Variants in COL12A1 observed in about 807,000 individuals in gnomAD.
COL12A1 encodes collagen type XII alpha 1 chain, also known as collagen alpha-1(XII) chain.
Under a neutral mutation model 349.7 loss-of-function variants are expected in COL12A1, and 114 were observed. That is an observed-to-expected ratio of 0.33 (90% CI 0.28 to 0.38). The LOEUF is 0.38. Ranked by LOEUF, COL12A1 falls within the 10% of genes least tolerant of loss-of-function variation. The pLI, the probability that COL12A1 is intolerant of heterozygous loss-of-function variation, is 1.00. For missense variants in COL12A1, 3,284 were observed against 3,756.9 expected (o/e 0.87, Z 3.29); for synonymous variants, 1,369 against 1,329.0 (o/e 1.03, Z -0.66).
chr6:75,124,193 C>A, intron 41 of COL12A1, 62 bp downstream of exon 41: 1 of 1,594,006 alleles, frequency 6.3e-7, no homozygotes, highest in Non-Finnish European at 8.6e-7. Flanking sequence ...ATCTTCTTTA[C>A]TGAAATTTAA....
In COL12A1 at chr6:75,085,459, T is replaced by C. The variant is rs1056086993; in HGVS notation, c.*1088A>G. On this transcript the variant is annotated 3_prime_UTR_variant, in exon 66 of 66. Transcript: ENST00000322507. ...AAATCATCACCCGCGGTGATGGCAC[T>C]CCAGTCTTAATCTCATAACTATAAA... is the stretch of plus-strand genomic sequence containing the variant. 2 of 418,576 alleles carry C rather than the reference T, an allele frequency of 4.8e-6. No individual in the cohort carries two copies. The highest frequency in any genetic ancestry group is 1.8e-5 in the South Asian group (1 of 56,968). The allele number at this position is 418,576 out of a possible 1,614,324, so 25.9% of individuals were successfully genotyped here.
rs779373958 is a variant in COL12A1, at chr6:75,188,506, T to C, written c.853A>G (p.Lys285Glu). The change falls in exon 8 of 66, where the codon AAA becomes GAA. Residue 285 changes from lysine to glutamate, a missense_variant. This residue lies in a region of COL12A1 where 2,601 missense variants were observed against 2,824.8 expected (regional missense o/e 0.92). Transcript: ENST00000322507. ...AGTGAAGGTGTGGAGGCAATTTGTT[T>C]GAGTTCTTTTGCATCTGCAGCTTTA... is the stretch of plus-strand genomic sequence containing the variant. ...GIKAADAKEL[K>E]QIASTPSLNH... The C allele has an allele frequency of 6.2e-7, 1 of 1,613,248 alleles. No homozygotes were observed. Among genetic ancestry groups the C allele is most frequent in the East Asian group, 2.2e-5 (1 of 44,858 alleles).
intron 2 of COL12A1, among the ~76,000 whole-genome samples, chr6:75,201,914 A>G (rs1770548253): frequency 6.6e-6 from 1 of 152,192 alleles, no homozygotes; most frequent in Admixed American, 6.5e-5. Context: ...CTCCGCGGGA[A>G]GGTCCGACGC....
Position 75,143,369 on chromosome 6 carries a change from C to T in COL12A1, c.4710G>A (p.Gln1570=), listed in dbSNP as rs763316824. The T allele has an allele frequency of 6.2e-7, 1 of 1,613,660 alleles. No homozygotes were observed. The highest frequency in any genetic ancestry group is 1.1e-5 in the South Asian group (1 of 90,964). The change falls in exon 26 of 66, where the codon CAG becomes CAA. Residue 1570 remains glutamine, a synonymous_variant. Coordinates refer to ENST00000322507, the MANE Select transcript of COL12A1 (RefSeq NM_004370.6). The part of the protein sequence containing the change: ...REVTLPLPRP[Q]DLKLRDVTHS... ...GAGTCACATCTCTGAGTTTCAGATC[C>T]TGAGGTCTGGGTAAAGGCACTAGAG...
At chr6:75,144,422 C>T (rs192521571) in intron 25 of COL12A1, among the ~76,000 whole-genome samples, 27 of 152,166 alleles carry the variant, frequency 1.8e-4, no homozygotes, top group Admixed American at 1.4e-3. Context: ...TCTTCTCTGC[C>T]CCATCATGCT....
At position 75,189,718 on chromosome 6, in the gene COL12A1, A is replaced by T; in HGVS notation, c.492T>A (p.Ala164=). The change falls in exon 6 of 66, where the codon GCT becomes GCA. Residue 164 remains alanine, a synonymous_variant. Coordinates refer to ENST00000322507, the MANE Select transcript of COL12A1 (RefSeq NM_004370.6). ...CAATGTCAAAAGCAGACACAAGAGCAGCAATGAAGTCTAAAATGTACTTGA... is the reference window on the plus strand; with the variant it reads ...CAATGTCAAAAGCAGACACAAGAGCTGCAATGAAGTCTAAAATGTACTTGA... The part of the protein sequence containing the change: ...NNFKYILDFI[A]ALVSAFDIGE... 1 of 1,613,450 alleles carries T rather than the reference A, an allele frequency of 6.2e-7. No homozygotes were observed. Among genetic ancestry groups the T allele is most frequent in the Non-Finnish European group, 8.5e-7 (1 of 1,179,472 alleles).
intron 32 of COL12A1, 140 bp from the exon 33 acceptor site, chr6:75,134,137 A>G (rs1313463975): frequency 1.3e-5 from 11 of 879,908 alleles, no homozygotes; most frequent in East Asian, 2.7e-5. Flanking sequence ...AATAAACGAC[A>G]CACACTGTGT....
chr6:75,131,110 C>T (rs1766281363), intron 35 of COL12A1, 129 bp from the exon 36 acceptor site: 1 of 1,232,354 alleles, frequency 8.1e-7, no homozygotes, highest in African/African-American at 1.5e-5. Flanking sequence ...AACTGTGCTT[C>T]TCCATAAGAT....
chr6:75,125,938 G>T (rs1019065075), intron 39 of COL12A1, among the ~76,000 whole-genome samples: 1 of 152,086 alleles, frequency 6.6e-6, no homozygotes, highest in Non-Finnish European at 1.5e-5. Context: ...AATTTTCAGA[G>T]GGGATTTGAA....
intron 57 of COL12A1, 146 bp downstream of exon 57, chr6:75,101,853 G>A (rs1768320386): frequency 9.7e-7 from 1 of 1,027,940 alleles, no homozygotes. Flanking sequence ...CCAACTTGAA[G>A]GTTAAGACCA....
Position 75,131,939 on chromosome 6 carries a change from C to T in COL12A1, c.5937+1G>A. 1 of 1,613,070 alleles carries T rather than the reference C, an allele frequency of 6.2e-7. No individual in the cohort carries two copies. Among genetic ancestry groups the T allele is most frequent in the Non-Finnish European group, 8.5e-7 (1 of 1,179,486 alleles). ...GCAGTTTCCATGACAAAATTACTTA[C>T]AGATTCTGAGGGTCTTGTGCCATCC... is the stretch of plus-strand genomic sequence containing the variant. On this transcript the variant is annotated splice_donor_variant, in intron 35 of 65. Coordinates refer to ENST00000322507, the MANE Select transcript of COL12A1 (RefSeq NM_004370.6). LOFTEE classifies it high-confidence loss of function.
At chr6:75,091,860 G>T (rs1444409353) in intron 60 of COL12A1, among the ~76,000 whole-genome samples, 1 of 152,120 alleles carries the variant, frequency 6.6e-6, no homozygotes, top group East Asian at 1.9e-4. Flanking sequence ...TACATATGAA[G>T]ATTGCCCTTG....
At chr6:75,154,680 G>C in intron 16 of COL12A1, 143 bp from the exon 17 acceptor site, 1 of 781,170 alleles carries the variant, frequency 1.3e-6, no homozygotes, top group Non-Finnish European at 1.8e-6. Context: ...TATAAGAGAA[G>C]AAAAATAATT....
intron 11 of COL12A1, 115 bp from the exon 12 acceptor site, chr6:75,178,050 G>A: frequency 2.0e-6 from 2 of 996,062 alleles, no homozygotes; most frequent in East Asian, 2.7e-5. Flanking sequence ...AGAAATCCAT[G>A]AGCAATTTAT....
intron 2 of COL12A1, among the ~76,000 whole-genome samples, chr6:75,201,622 CTTTACTGAAAAAAAA>C (rs1189009434): frequency 6.7e-6 from 1 of 149,320 alleles, no homozygotes; most frequent in African/African-American, 2.5e-5. Context: ...AGGGGTATTT[CTTTACTGAAAAAAAA>C]AAAAGATATC....
intron 2 of COL12A1, among the ~76,000 whole-genome samples, chr6:75,196,787 C>T (rs1211735665): frequency 1.3e-5 from 2 of 152,148 alleles, no homozygotes; most frequent in Non-Finnish European, 2.9e-5. Flanking sequence ...AAAATCAGTA[C>T]ATGGAAAAAC....
intron 13 of COL12A1, 69 bp downstream of exon 13, chr6:75,174,969 A>G: frequency 6.5e-7 from 1 of 1,547,102 alleles, no homozygotes; most frequent in Non-Finnish European, 8.8e-7. Flanking sequence ...GTCTGAAGAC[A>G]TTTTAAGCTT....
rs1355346528 is a variant in COL12A1 at position 75,155,336 on chromosome 6, C to T, written c.3443+326G>A. Among the ~76,000 whole-genome samples, 4 of 152,066 alleles carry T rather than the reference C, an allele frequency of 2.6e-5. No individual in the cohort carries two copies. In the East Asian group the frequency reaches 5.8e-4, roughly 22 times the overall value. ...CCATGCTTCCACATGGCTACAATTT[C>T]GGTGACATTGTGTAATAAGAACATT... On this transcript the variant is annotated intron_variant, in intron 16 of 65. Coordinates refer to ENST00000322507, the MANE Select transcript of COL12A1 (RefSeq NM_004370.6).
intron 44 of COL12A1, among the ~76,000 whole-genome samples, chr6:75,119,979 G>T: frequency 6.6e-6 from 1 of 152,160 alleles, no homozygotes; most frequent in East Asian, 1.9e-4. Flanking sequence ...TTGTACTCAG[G>T]AATCGCTGGG....
Sources: allele counts gnomAD v4.1 joint callset (sites outside exome capture counted in the v4.1 genomes callset), GRCh38; gene constraint gnomAD v4.1.1; regional missense constraint gnomAD v4.1.1; transcripts MANE v1.5; gene names NCBI Gene and HGNC (gene_info 2026-07-23, HGNC 2026-07-21).